LAMA3: variants seen among roughly 807,000 people sequenced by gnomAD.
LAMA3 encodes the protein laminin subunit alpha-3.
In LAMA3, 281 loss-of-function variants were observed where a neutral mutation model predicts 402.0. The observed-to-expected ratio is 0.70, with a 90% CI of 0.63 to 0.77. The LOEUF (loss-of-function observed/expected upper bound fraction) is 0.77, where lower values mean the gene tolerates loss of function less well. Among genes scored for constraint, LAMA3 ranks in the 30% least tolerant of loss-of-function variants. The pLI, the probability that LAMA3 is intolerant of heterozygous loss-of-function variation, is 0.00. For missense variants in LAMA3, 3,840 were observed against 4,215.5 expected (o/e 0.91, Z 2.47); for synonymous variants, 1,431 against 1,558.4 (o/e 0.92, Z 1.93).
intron 29 of LAMA3, 26 bp downstream of exon 29, chr18:23,842,776 G>C (rs1385232259): frequency 1.1e-5 from 18 of 1,613,768 alleles, no homozygotes; most frequent in Admixed American, 1.7e-5. Flanking sequence ...TCCTCAACTT[G>C]CTCCTCACAT....
At chr18:23,925,959 T>C (rs1379339485) in intron 62 of LAMA3, among the ~76,000 whole-genome samples, 2 of 152,194 alleles carry the variant, frequency 1.3e-5, no homozygotes, top group East Asian at 3.8e-4. Context: ...GCTCTACCAC[T>C]TACCAGCTGT....
chr18:23,954,400 C>CG, intron 74 of LAMA3, 103 bp from the exon 75 acceptor site: 1 of 613,778 alleles, frequency 1.6e-6, no homozygotes, highest in Non-Finnish European at 2.7e-6. Context: ...AGGACCCTGT[C>CG]TAAAAAAAAA....
At chr18:23,720,548 G>T (rs115200934) in intron 2 of LAMA3, among the ~76,000 whole-genome samples, 2 of 152,038 alleles carry the variant, frequency 1.3e-5, no homozygotes, top group Non-Finnish European at 1.5e-5. Context: ...GTGTGATGGG[G>T]TTTCACCATG....
At chr18:23,902,655 G>A (rs542257031) in intron 48 of LAMA3, among the ~76,000 whole-genome samples, 240 of 152,288 alleles carry the variant, frequency 1.6e-3, no homozygotes, top group African/African-American at 5.6e-3. Context: ...TGTTCTCATT[G>A]GTACTGGCTG....
Position 23,876,286 on chromosome 18 carries a change from A to T in LAMA3, c.4999-8A>T. The T allele has an allele frequency of 1.9e-6, 3 of 1,594,716 alleles. No individual in the cohort carries two copies. Among genetic ancestry groups the T allele is most frequent in the Non-Finnish European group, 2.6e-6 (3 of 1,162,270 alleles). On this transcript the variant is annotated splice_polypyrimidine_tract_variant and splice_region_variant and intron_variant, in intron 38 of 74. Coordinates refer to ENST00000313654, the MANE Select transcript of LAMA3 (RefSeq NM_198129.4). ...TTGTATTGATTAAACACTTTGTTTG[A>T]AAAATAGGGTTGTAGCCCTGGATAC...
chr18:23,889,452 C>T (rs1435355558), intron 41 of LAMA3, among the ~76,000 whole-genome samples: 2 of 151,518 alleles, frequency 1.3e-5, no homozygotes, highest in Non-Finnish European at 2.9e-5. Context: ...GTCTGAGTTT[C>T]TTGGGAGGCT....
intron 73 of LAMA3, among the ~76,000 whole-genome samples, 196 bp from the exon 74 acceptor site, chr18:23,952,794 G>T (rs2082961602): frequency 6.6e-6 from 1 of 152,200 alleles, no homozygotes; most frequent in Admixed American, 6.5e-5. Flanking sequence ...CATTTTAAGG[G>T]TAAAATTCAT....
intron 8 of LAMA3, among the ~76,000 whole-genome samples, chr18:23,768,502 A>G (rs1195301679): frequency 6.6e-6 from 1 of 152,236 alleles, no homozygotes; most frequent in African/African-American, 2.4e-5. Context: ...AATGCTGCTC[A>G]GGTTGCAGAG....
intron 8 of LAMA3, among the ~76,000 whole-genome samples, chr18:23,770,398 A>G (rs1021022775): frequency 3.9e-5 from 6 of 152,168 alleles, no homozygotes; most frequent in Non-Finnish European, 8.8e-5. Flanking sequence ...AAAACCTCAA[A>G]AAAATTCAAA....
chr18:23,899,323 G>A lies in LAMA3; in HGVS notation c.5872G>A (p.Gly1958Arg). ...GCAGATCTCTGGGACAGATGGAGAG[G>A]GAAACAACGTGCCTTCAGGTGACTT... ...LKQISGTDGE[G>R]NNVPSGDFSR... Residue 1958 changes from glycine (G) to arginine (R), a missense_variant, in exon 47 of 75, where the codon GGA becomes AGA. By Grantham distance (125) the Gly-to-Arg change is moderately radical. Around this residue, in one of 3 missense-constraint regions of LAMA3, gnomAD observed 891 missense variants for 857.5 expected, o/e 1.04. Transcript: ENST00000313654. The A allele has an allele frequency of 6.2e-7, 1 of 1,613,978 alleles. No homozygotes were observed. Among genetic ancestry groups the A allele is most frequent in the Non-Finnish European group, 8.5e-7 (1 of 1,179,980 alleles).
chr18:23,722,006 T>C (rs1195327747), intron 2 of LAMA3, among the ~76,000 whole-genome samples: 2 of 152,220 alleles, frequency 1.3e-5, no homozygotes, highest in Non-Finnish European at 2.9e-5. Flanking sequence ...TCTATTACTT[T>C]TGGAATAAGG....
At chr18:23,814,948 T>G (rs2063146993) in intron 15 of LAMA3, among the ~76,000 whole-genome samples, 1 of 152,230 alleles carries the variant, frequency 6.6e-6, no homozygotes, top group East Asian at 1.9e-4. Context: ...TTGCAGCTTT[T>G]GTCATGAAGT....
chr18:23,694,005 G>C lies in LAMA3; in HGVS notation c.294+4028G>C, dbSNP rs570772171. The stretch of plus-strand genomic sequence containing the variant: ...GCTCAGAGGCAGGGAGTCTTTTTCT[G>C]CTTTGCAATAAAGAACTGTTTGAAT... On this transcript the variant is annotated intron_variant, in intron 1 of 74. Transcript: ENST00000313654. 6.6e-5 allele frequency among the ~76,000 whole-genome samples: 10 copies of C among 152,188 alleles called. No homozygotes were observed. The South Asian group carries it at 2.1e-3, about 32-fold the overall frequency.
rs1568214805 is a variant in LAMA3 at position 23,816,452 on chromosome 18, G to A, written c.2112G>A (p.Gln704=). Residue 704 remains glutamine, a synonymous_variant, in exon 18 of 75, where the codon CAG becomes CAA. Coordinates refer to ENST00000313654, the MANE Select transcript of LAMA3 (RefSeq NM_198129.4). ...GCAGTGGGCCCTCGGGAGTGTGCCA[G>A]TGCCGAGAGCATGTCGTGGGAAAGG... is the stretch of plus-strand genomic sequence containing the variant. ...SMCSGPSGVC[Q]CREHVVGKVC... 4 of 1,614,130 alleles carry A rather than the reference G, an allele frequency of 2.5e-6. No individual in the cohort carries two copies. Among genetic ancestry groups the A allele is most frequent in the Non-Finnish European group, 2.5e-6 (3 of 1,179,992 alleles).
At chr18:23,893,966 A>G (rs988927989) in intron 42 of LAMA3, among the ~76,000 whole-genome samples, 1 of 152,142 alleles carries the variant, frequency 6.6e-6, no homozygotes, top group South Asian at 2.1e-4. Context: ...TATAGAGTTG[A>G]CCTTTGTAGT....
Position 23,861,294 on chromosome 18 carries a change from T to C in LAMA3, c.4423-352T>C, listed in dbSNP as rs920784392. Among the ~76,000 whole-genome samples, 6 of 152,328 alleles carry C rather than the reference T, an allele frequency of 3.9e-5. No individual in the cohort carries two copies. In the East Asian group the frequency reaches 1.2e-3, roughly 29 times the overall value. On this transcript the variant is annotated intron_variant, in intron 34 of 74. Transcript: ENST00000313654. Reference sequence around the variant, plus strand: ...CTGAATTCCACATCACATTTTTCTTTATAAGGAGCTTGCCATTAAATGCGC... The same window carrying C: ...CTGAATTCCACATCACATTTTTCTTCATAAGGAGCTTGCCATTAAATGCGC...
intron 65 of LAMA3, 48 bp from the exon 66 acceptor site, chr18:23,932,112 C>G (rs1203316493): frequency 8.1e-6 from 13 of 1,611,294 alleles, no homozygotes; most frequent in Non-Finnish European, 1.1e-5. Flanking sequence ...GGCAAGGGCC[C>G]TTTTTTCCAG....
intron 34 of LAMA3, among the ~76,000 whole-genome samples, chr18:23,860,261 C>CTTTTTTTTTTTTTTTTTT (rs59852195): frequency 8.9e-6 from 1 of 112,650 alleles, no homozygotes. Flanking sequence ...CTTTTCTTTT[C>CTTTTTTTTTTTTTTTTTT]TTTTTTTTTT....
At chr18:23,730,618 C>T (rs543230240) in intron 2 of LAMA3, among the ~76,000 whole-genome samples, 16 of 152,220 alleles carry the variant, frequency 1.1e-4, no homozygotes, top group East Asian at 3.9e-4. Context: ...CCGCCTGCCT[C>T]GGCCTCCCAA....
Sources: gnomAD v4.1 joint callset for allele counts (sites outside exome capture counted in the v4.1 genomes callset) on GRCh38, gnomAD v4.1.1 for gene constraint, gnomAD v4.1.1 regional missense constraint, MANE v1.5 for transcripts, NCBI Gene and HGNC (gene_info 2026-07-23, HGNC 2026-07-21) for gene names.